PPAT: variants seen among roughly 807,000 people sequenced by gnomAD.
The protein encoded by PPAT is amidophosphoribosyltransferase.
A neutral mutation model predicts 60.2 loss-of-function variants in PPAT; 20 were observed. That is an observed-to-expected ratio of 0.33 (90% CI 0.23 to 0.48). The LOEUF (loss-of-function observed/expected upper bound fraction) is 0.48, where lower values mean the gene tolerates loss of function less well. Ranked by LOEUF, PPAT falls within the 20% of genes least tolerant of loss-of-function variation. The probability of loss-of-function intolerance (pLI) is 0.99; values close to 1 mark genes in which losing one functional copy is unlikely to be tolerated. For synonymous variants in PPAT, 194 were observed against 215.1 expected, an observed-to-expected ratio of 0.90 and a Z score of 0.86; for missense variants, 349 against 629.6, an observed-to-expected ratio of 0.55 and a Z score of 4.77.
At position 56,429,912 on chromosome 4, in the gene PPAT, A is replaced by T. The variant is rs1578137919; in HGVS notation, c.128+5438T>A. Among the ~76,000 whole-genome samples, 6 of 152,088 alleles carry T rather than the reference A, an allele frequency of 3.9e-5. No individual in the cohort carries two copies. The South Asian group carries it at 1.2e-3, about 32-fold the overall frequency. On this transcript the variant is annotated intron_variant, in intron 1 of 10. Coordinates refer to ENST00000264220, the MANE Select transcript of PPAT (RefSeq NM_002703.5). ...GTTTATGAGATTCACCCATGACTTT[A>T]CTCACAACAGTAGTCTGTTATTTTT...
chr4:56,409,101 T>C (rs1046166488), intron 1 of PPAT, among the ~76,000 whole-genome samples: 2 of 152,200 alleles, frequency 1.3e-5, no homozygotes, highest in African/African-American at 4.8e-5. Context: ...CTTTTAATTA[T>C]TTAGGTCGAT....
chr4:56,396,461 A>T lies in PPAT; in HGVS notation c.1357+158T>A. The T allele has an allele frequency of 1.5e-6, 1 of 663,982 alleles. No homozygotes were observed. Among genetic ancestry groups the T allele is most frequent in the Non-Finnish European group, 2.3e-6 (1 of 429,148 alleles). The allele number at this position is 663,982 out of a possible 1,614,324, so 41.1% of individuals were successfully genotyped here. A position where few individuals can be genotyped will look rare whatever the true frequency, so the allele number is the denominator to read the frequency against. ...GACTCTGTGGTGTCTGCCCATGCCC[A>T]CTACTCTCACTGTTGAGAATAGTAT... On this transcript the variant is annotated intron_variant, in intron 10 of 10. Coordinates refer to ENST00000264220, the MANE Select transcript of PPAT (RefSeq NM_002703.5). This position sits in a 1 kb window ranked among gnomAD's most constrained non-coding sequence, Gnocchi z 4.6.
chr4:56,395,560 G>C lies in PPAT; in HGVS notation c.1358-12C>G, dbSNP rs761543183. 2.3e-5 allele frequency: 34 copies of C among 1,496,156 alleles called. No individual in the cohort carries two copies. The highest frequency in any genetic ancestry group is 2.4e-5 in the Non-Finnish European group (27 of 1,127,850). The allele number at this position is 1,496,156 out of a possible 1,614,324, so 92.7% of individuals were successfully genotyped here. ...AACACTGTTTGCTCCTAAAGAAAGA[G>C]GGAAAAATAAAAATGTAATAAGAAT... On this transcript the variant is annotated splice_polypyrimidine_tract_variant and intron_variant, in intron 10 of 10. Transcript: ENST00000264220.
intron 1 of PPAT, chr4:56,422,196 C>A (rs1351313371): frequency 6.6e-6 from 1 of 152,140 alleles, no homozygotes; most frequent in South Asian, 2.1e-4. Context: ...ATCCTTGGAA[C>A]CTGGGAGGCA....
chr4:56,411,622 T>C lies in PPAT; in HGVS notation c.129-3906A>G, dbSNP rs9994575. On this transcript the variant is annotated intron_variant, in intron 1 of 10. Coordinates refer to ENST00000264220, the MANE Select transcript of PPAT (RefSeq NM_002703.5). ...AATGACAGTAATGAGATGTCTACCA[T>C]AGTCTAAATCTTATAGATGCTATTT... 6.2e-3 allele frequency among the ~76,000 whole-genome samples: 948 copies of C among 152,324 alleles called. 14 individuals carry two copies. Among genetic ancestry groups the C allele is most frequent in the African/African-American group, 0.021 (892 of 41,570 alleles).
At chr4:56,430,504 C>G (rs910933302) in intron 1 of PPAT, among the ~76,000 whole-genome samples, 1 of 152,024 alleles carries the variant, frequency 6.6e-6, no homozygotes, top group Non-Finnish European at 1.5e-5. Context: ...TAGTAATATA[C>G]TTAGATGTAC....
At chr4:56,415,983 T>C (rs1225868899) in intron 1 of PPAT, among the ~76,000 whole-genome samples, 1 of 151,770 alleles carries the variant, frequency 6.6e-6, no homozygotes, top group South Asian at 2.1e-4. Context: ...GGCAGGAGAA[T>C]TGCTTGAACC....
intron 1 of PPAT, among the ~76,000 whole-genome samples, chr4:56,409,156 A>T (rs1247569799): frequency 6.6e-6 from 1 of 152,216 alleles, no homozygotes; most frequent in Non-Finnish European, 1.5e-5. Context: ...CCTATGAAGT[A>T]GGTACTATGA....
intron 9 of PPAT, among the ~76,000 whole-genome samples, chr4:56,397,927 A>G (rs1716014069): frequency 6.6e-6 from 1 of 151,956 alleles, no homozygotes; most frequent in African/African-American, 2.4e-5. Flanking sequence ...CTATGGTCCC[A>G]GCTATTTGGG....
chr4:56,401,037 T>C (rs1716095073), intron 7 of PPAT, 126 bp from the exon 8 acceptor site: 5 of 1,048,738 alleles, frequency 4.8e-6, no homozygotes, highest in Non-Finnish European at 6.7e-6. Flanking sequence ...TACAAAAATA[T>C]GAATGTGAAA....
chr4:56,419,660 C>G (rs1333466761), intron 1 of PPAT: 1 of 983,676 alleles, frequency 1.0e-6, no homozygotes, highest in African/African-American at 1.7e-5. Context: ...CAACTTTTAT[C>G]CCAACTGTAG....
intron 1 of PPAT, chr4:56,420,859 T>C (rs957505721): frequency 2.0e-5 from 3 of 152,184 alleles, no homozygotes; most frequent in South Asian, 2.1e-4. Flanking sequence ...TAAGACATGA[T>C]AGCATGAAAT....
chr4:56,433,590 T>G (rs1285747861), intron 1 of PPAT, among the ~76,000 whole-genome samples: 3 of 151,956 alleles, frequency 2.0e-5, no homozygotes, highest in South Asian at 4.2e-4. Context: ...GCAAAAAAAG[T>G]AAATATAGTG....
Position 56,402,201 on chromosome 4 carries a change from T to C in PPAT, c.662-20A>G. ...TTTTCTCTGTAAATCACAAATCAATTCAATTAATGGATTCCAGAAATTTTA... is the reference window on the plus strand; with the variant it reads ...TTTTCTCTGTAAATCACAAATCAATCCAATTAATGGATTCCAGAAATTTTA... On this transcript the variant is annotated intron_variant, in intron 5 of 10. Transcript: ENST00000264220. The C allele has an allele frequency of 6.4e-7, 1 of 1,566,736 alleles. No homozygotes were observed. Among genetic ancestry groups the C allele is most frequent in the Non-Finnish European group, 8.8e-7 (1 of 1,140,390 alleles).
Sources: gnomAD v4.1 joint callset for allele counts (sites outside exome capture counted in the v4.1 genomes callset) on GRCh38, gnomAD v4.1.1 for gene constraint, Gnocchi (gnomAD v3.1) non-coding constraint, MANE v1.5 for transcripts, NCBI Gene and HGNC (gene_info 2026-07-23, HGNC 2026-07-21) for gene names.